RAB7A: variants seen among roughly 807,000 people sequenced by gnomAD.
RAB7A encodes RAB7A, member RAS oncogene family, also known as ras-related protein Rab-7a.
In RAB7A, 2 loss-of-function variants were observed where a neutral mutation model predicts 24.5. The ratio of observed to expected loss-of-function variants is 0.08; its 90% CI spans 0.03 to 0.26. The LOEUF (loss-of-function observed/expected upper bound fraction) is 0.26. Among genes scored for constraint, RAB7A ranks in the 10% least tolerant of loss-of-function variants. RAB7A has a pLI of 1.00. For missense variants in RAB7A, 118 were observed against 255.7 expected, an observed-to-expected ratio of 0.46 and a Z score of 3.67; for synonymous variants, 100 against 95.9, an observed-to-expected ratio of 1.04 and a Z score of -0.25.
At chr3:128,790,157 T>C (rs1205121542) in intron 1 of RAB7A, among the ~76,000 whole-genome samples, 2 of 152,232 alleles carry the variant, frequency 1.3e-5, no homozygotes, top group Admixed American at 6.5e-5. Context: ...TACAAAAATA[T>C]ACCTTTTAAC....
intron 1 of RAB7A, among the ~76,000 whole-genome samples, chr3:128,734,345 C>A (rs1653749440): frequency 6.6e-6 from 1 of 150,994 alleles, no homozygotes; most frequent in South Asian, 2.1e-4. Flanking sequence ...ACATGACAAT[C>A]GCTCGAACCT....
intron 2 of RAB7A, among the ~76,000 whole-genome samples, chr3:128,796,712 A>G (rs1179027337): frequency 6.6e-6 from 1 of 152,190 alleles, no homozygotes; most frequent in Middle Eastern, 3.4e-3. Flanking sequence ...TGCCCAGACT[A>G]AAGTGAATGG....
At chr3:128,739,871 A>G (rs1447305614) in intron 1 of RAB7A, among the ~76,000 whole-genome samples, 1 of 152,190 alleles carries the variant, frequency 6.6e-6, no homozygotes, top group Non-Finnish European at 1.5e-5. Flanking sequence ...GTTGAAGACC[A>G]GCGTGACCAA....
At chr3:128,784,239 AC>A (rs770393538) in intron 1 of RAB7A, among the ~76,000 whole-genome samples, 46 of 152,142 alleles carry the variant, frequency 3.0e-4, no homozygotes, top group Non-Finnish European at 1.0e-4. Context: ...CCCAAGAAAC[AC>A]GTTACTGTTT....
intron 1 of RAB7A, among the ~76,000 whole-genome samples, chr3:128,793,477 G>A (rs577453412): frequency 2.0e-5 from 3 of 152,160 alleles, no homozygotes; most frequent in African/African-American, 7.2e-5. Flanking sequence ...GTAGAGACGG[G>A]GTTTCACCAT....
Position 128,752,440 on chromosome 3 carries a change from A to T in RAB7A, c.-9+26081A>T, listed in dbSNP as rs76639414. Among the ~76,000 whole-genome samples, 1,404 of 152,080 alleles carry T rather than the reference A, an allele frequency of 9.2e-3. 21 individuals carry two copies. Among genetic ancestry groups the T allele is most frequent in the African/African-American group, 0.032 (1,345 of 41,504 alleles). ...GAAAAAATAATAAGAAAAAGGAAAT[A>T]AAAAAATGACAAAAAGAAAAATGAG... On this transcript the variant is annotated intron_variant, in intron 1 of 5. Coordinates refer to ENST00000265062, the MANE Select transcript of RAB7A (RefSeq NM_004637.6).
At chr3:128,748,065 G>C (rs2070636983) in intron 1 of RAB7A, among the ~76,000 whole-genome samples, 1 of 152,210 alleles carries the variant, frequency 6.6e-6, no homozygotes, top group Admixed American at 6.5e-5. Context: ...ACTGTGCCCG[G>C]CCAGCAAAGT....
intron 1 of RAB7A, among the ~76,000 whole-genome samples, chr3:128,783,617 G>A (rs891687405): frequency 6.6e-6 from 1 of 152,132 alleles, no homozygotes; most frequent in African/African-American, 2.4e-5. Context: ...AGCCTTGGTG[G>A]ATCTATGCCT....
intron 1 of RAB7A, among the ~76,000 whole-genome samples, chr3:128,730,064 T>C (rs1276149245): frequency 1.3e-5 from 2 of 152,226 alleles, no homozygotes; most frequent in Non-Finnish European, 2.9e-5. Flanking sequence ...CACATGCTTA[T>C]CTGTTAATAT....
intron 1 of RAB7A, among the ~76,000 whole-genome samples, chr3:128,789,327 CTTT>C (rs10575679): frequency 6.8e-5 from 9 of 131,688 alleles, no homozygotes; most frequent in Admixed American, 2.3e-4. Context: ...ACTTTGTAGC[CTTT>C]TTTTTTTTTT....
At chr3:128,765,297 C>T (rs1160380944) in intron 1 of RAB7A, among the ~76,000 whole-genome samples, 1 of 152,182 alleles carries the variant, frequency 6.6e-6, no homozygotes, top group East Asian at 1.9e-4. Flanking sequence ...CCTCTGCTAG[C>T]GATACTGTGT....
chr3:128,787,398 G>A (rs948766316), intron 1 of RAB7A, among the ~76,000 whole-genome samples: 5 of 152,214 alleles, frequency 3.3e-5, no homozygotes, highest in African/African-American at 7.2e-5. Context: ...CAAACTTGGT[G>A]TGTATGCCTG....
chr3:128,736,272 CTTTAATAA>C (rs2070488957), intron 1 of RAB7A, among the ~76,000 whole-genome samples: 1 of 151,866 alleles, frequency 6.6e-6, no homozygotes, highest in African/African-American at 2.4e-5. Flanking sequence ...ACAGATAATT[CTTTAATAA>C]TGGCAGAAGA....
At chr3:128,736,753 C>T (rs1187373266) in intron 1 of RAB7A, among the ~76,000 whole-genome samples, 1 of 152,000 alleles carries the variant, frequency 6.6e-6, no homozygotes, top group East Asian at 1.9e-4. Flanking sequence ...TATTTCATGT[C>T]ACTTCTGCTT....
At chr3:128,729,426 C>T (rs980520629) in intron 1 of RAB7A, among the ~76,000 whole-genome samples, 20 of 151,884 alleles carry the variant, frequency 1.3e-4, no homozygotes, top group Non-Finnish European at 1.8e-4. Flanking sequence ...AAAAATTAGC[C>T]GGGCGTGGTG....
chr3:128,738,621 T>A (rs1282959912), intron 1 of RAB7A, among the ~76,000 whole-genome samples: 3 of 152,188 alleles, frequency 2.0e-5, no homozygotes, highest in African/African-American at 7.2e-5. Context: ...TTTTACTGAA[T>A]CCCTGGGGCT....
At chr3:128,796,554 A>G (rs1433876166) in intron 2 of RAB7A, among the ~76,000 whole-genome samples, 2 of 152,222 alleles carry the variant, frequency 1.3e-5, no homozygotes, top group Non-Finnish European at 2.9e-5. Context: ...AAAAATAACA[A>G]CAATAGCAAA....
intron 5 of RAB7A, among the ~76,000 whole-genome samples, chr3:128,807,996 A>G (rs1933842318): frequency 1.3e-5 from 2 of 152,256 alleles, no homozygotes; most frequent in Admixed American, 1.3e-4. Context: ...CTATTTAAGG[A>G]GGAAATAAAC....
chr3:128,795,202 T>TA, intron 1 of RAB7A, 158 bp from the exon 2 acceptor site: 1 of 702,766 alleles, frequency 1.4e-6, no homozygotes, highest in South Asian at 1.6e-5. Flanking sequence ...TGGTGAGTGA[T>TA]ACTGTTTTTT....
Sources: gnomAD v4.1 joint callset for allele counts (sites outside exome capture counted in the v4.1 genomes callset) on GRCh38, gnomAD v4.1.1 for gene constraint, MANE v1.5 for transcripts, NCBI Gene and HGNC (gene_info 2026-07-23, HGNC 2026-07-21) for gene names.